The following NEDD4L variants were observed in gnomAD, a reference collection of about 807,000 sequenced individuals.
NEDD4L encodes E3 ubiquitin-protein ligase NEDD4-like.
Under a neutral mutation model 148.9 loss-of-function variants are expected in NEDD4L, and 54 were observed. That is an observed-to-expected ratio of 0.36 (90% CI 0.29 to 0.45). The LOEUF (loss-of-function observed/expected upper bound fraction) is 0.45, where lower values mean the gene tolerates loss of function less well. Ranked by LOEUF, NEDD4L falls within the 20% of genes least tolerant of loss-of-function variation. NEDD4L has a pLI of 1.00. For missense variants in NEDD4L, 856 were observed against 1,233.8 expected (o/e 0.69, Z 4.59); for synonymous variants, 433 against 440.7 (o/e 0.98, Z 0.22).
intron 1 of NEDD4L, among the ~76,000 whole-genome samples, chr18:58,107,127 T>C (rs1329111497): frequency 6.6e-6 from 1 of 152,162 alleles, no homozygotes; most frequent in East Asian, 1.9e-4. Context: ...TGTGTCCAAA[T>C]TTCCTTTCTG....
At chr18:58,281,713 G>A (rs1418470975) in intron 5 of NEDD4L, among the ~76,000 whole-genome samples, 1 of 151,818 alleles carries the variant, frequency 6.6e-6, no homozygotes, top group Non-Finnish European at 1.5e-5. Context: ...ACAATTGGTT[G>A]ATCAGAACAG....
At chr18:58,096,880 T>A (rs2084444174) in intron 1 of NEDD4L, among the ~76,000 whole-genome samples, 2 of 152,226 alleles carry the variant, frequency 1.3e-5, no homozygotes. Context: ...TGAAATCCTT[T>A]CAGCCTTGCA....
intron 1 of NEDD4L, among the ~76,000 whole-genome samples, chr18:58,124,563 C>A (rs1162649314): frequency 1.3e-5 from 2 of 151,984 alleles, no homozygotes; most frequent in Non-Finnish European, 2.9e-5. Flanking sequence ...CCTCTGTGCT[C>A]CATCTTTAGA....
intron 19 of NEDD4L, among the ~76,000 whole-genome samples, chr18:58,363,842 G>A (rs1264884847): frequency 1.3e-5 from 2 of 152,048 alleles, no homozygotes; most frequent in African/African-American, 4.8e-5. Flanking sequence ...ACAAAAATTC[G>A]TTAAACCGTA....
rs950721307 is a variant in NEDD4L at position 58,397,846 on chromosome 18, G to A, written c.*1577G>A. 2.6e-5 allele frequency: 4 copies of A among 152,564 alleles called. No individual in the cohort carries two copies. Among genetic ancestry groups the A allele is most frequent in the East Asian group, 3.8e-4 (2 of 5,196 alleles). The allele number at this position is 152,564 out of a possible 1,614,324, so 9.5% of individuals were successfully genotyped here. A position where few individuals can be genotyped will look rare whatever the true frequency, so the allele number is the denominator to read the frequency against. On this transcript the variant is annotated 3_prime_UTR_variant, in exon 31 of 31. Transcript: ENST00000400345. Reference sequence around the variant, plus strand: ...AACCTGTGTTGTCCTAGACCCTGTCGGGGCAGTCAGGGGACACTAGAGATT... The same window carrying A: ...AACCTGTGTTGTCCTAGACCCTGTCAGGGCAGTCAGGGGACACTAGAGATT...
intron 5 of NEDD4L, among the ~76,000 whole-genome samples, chr18:58,314,314 G>A (rs1003518023): frequency 1.5e-4 from 23 of 152,026 alleles, no homozygotes; most frequent in African/African-American, 5.3e-4. Context: ...TTACTCAGTA[G>A]GCTGAGGCAG....
At chr18:58,082,102 A>ATATATATTTTT in intron 1 of NEDD4L, among the ~76,000 whole-genome samples, 47 of 48,828 alleles carry the variant, frequency 9.6e-4, no homozygotes, top group Non-Finnish European at 1.1e-3. Context: ...ATATATATAT[A>ATATATATTTTT]TTTTTTTTTT....
chr18:58,085,209 C>T (rs1246596072), intron 1 of NEDD4L, among the ~76,000 whole-genome samples: 1 of 152,164 alleles, frequency 6.6e-6, no homozygotes, highest in Non-Finnish European at 1.5e-5. Flanking sequence ...CCAATGAGAA[C>T]AATGGTTATC....
intron 2 of NEDD4L, among the ~76,000 whole-genome samples, chr18:58,202,755 A>G (rs1189670297): frequency 6.6e-6 from 1 of 151,978 alleles, no homozygotes; most frequent in Non-Finnish European, 1.5e-5. Flanking sequence ...ATCCTTCGCC[A>G]TTTGTCTCTG....
chr18:58,173,553 C>T (rs2037756122), intron 2 of NEDD4L, among the ~76,000 whole-genome samples: 1 of 152,208 alleles, frequency 6.6e-6, no homozygotes, highest in South Asian at 2.1e-4. Flanking sequence ...GGTCCTAACT[C>T]TGTGTGAGGA....
chr18:58,221,589 T>C, intron 2 of NEDD4L: 1 of 985,472 alleles, frequency 1.0e-6, no homozygotes, highest in Non-Finnish European at 1.2e-6. Flanking sequence ...TAAAACTTGC[T>C]GGTATTCCCC....
chr18:58,366,961 A>C lies in NEDD4L; in HGVS notation c.2063+733A>C, dbSNP rs2046190406. Among the ~76,000 whole-genome samples the C allele has an allele frequency of 6.6e-6, 1 of 152,234 alleles. No individual in the cohort carries two copies. Among genetic ancestry groups the C allele is most frequent in the Non-Finnish European group, 1.5e-5 (1 of 68,044 alleles). Reference sequence around the variant, plus strand: ...GGGGGCTCATTTGGAAGGCCGCCTCAGTACATTCTTCCTGGTTGCTCTAGC... The same window carrying C: ...GGGGGCTCATTTGGAAGGCCGCCTCCGTACATTCTTCCTGGTTGCTCTAGC... On this transcript the variant is annotated intron_variant, in intron 21 of 30. Transcript: ENST00000400345. This position sits in a 1 kb window ranked among gnomAD's most constrained non-coding sequence, Gnocchi z 4.2.
intron 1 of NEDD4L, among the ~76,000 whole-genome samples, chr18:58,158,564 AC>A (rs2035796166): frequency 1.3e-5 from 2 of 152,142 alleles, no homozygotes; most frequent in Non-Finnish European, 2.9e-5. Context: ...AGCAGCCATT[AC>A]CCAGTAGAAG....
At chr18:58,098,416 T>C (rs1249317663) in intron 1 of NEDD4L, among the ~76,000 whole-genome samples, 1 of 152,164 alleles carries the variant, frequency 6.6e-6, no homozygotes, top group African/African-American at 2.4e-5. Flanking sequence ...TTCTAAGCAC[T>C]CTCAGCCTCC....
intron 1 of NEDD4L, chr18:58,046,393 T>G (rs1598907620): frequency 1.7e-5 from 1 of 59,396 alleles, no homozygotes; most frequent in South Asian, 1.2e-3. Flanking sequence ...GCTGCTTGGG[T>G]TGACGTATTG....
chr18:58,141,787 C>A (rs1364409801), intron 1 of NEDD4L, among the ~76,000 whole-genome samples: 1 of 152,130 alleles, frequency 6.6e-6, no homozygotes, highest in Admixed American at 6.5e-5. Context: ...TGCCTGTCTC[C>A]AATTTCTACA....
chr18:58,174,075 C>T (rs1166928069), intron 2 of NEDD4L, among the ~76,000 whole-genome samples: 2 of 151,916 alleles, frequency 1.3e-5, no homozygotes, highest in Admixed American at 6.6e-5. Context: ...CAGTGGTTCC[C>T]GAGTTCTTGC....
intron 22 of NEDD4L, among the ~76,000 whole-genome samples, chr18:58,368,758 A>C (rs1437244680): frequency 5.9e-5 from 9 of 152,120 alleles, no homozygotes; most frequent in African/African-American, 2.2e-4. Flanking sequence ...TTGTTGCTTT[A>C]TTTGGTAGCA....
chr18:58,065,622 CT>C (rs1481895801), intron 1 of NEDD4L, among the ~76,000 whole-genome samples: 1 of 152,198 alleles, frequency 6.6e-6, no homozygotes, highest in Non-Finnish European at 1.5e-5. Context: ...TGCATTTACT[CT>C]TAATCGGGTG....
Sources: gnomAD v4.1 joint callset for allele counts (sites outside exome capture counted in the v4.1 genomes callset) on GRCh38, gnomAD v4.1.1 for gene constraint, Gnocchi (gnomAD v3.1) non-coding constraint, MANE v1.5 for transcripts, NCBI Gene and HGNC (gene_info 2026-07-23, HGNC 2026-07-21) for gene names.